The following DLG2 variants were observed in gnomAD, a reference collection of about 807,000 sequenced individuals.
The protein encoded by DLG2 is disks large homolog 2.
In DLG2, 45 loss-of-function variants were observed where a neutral mutation model predicts 132.5. The ratio of observed to expected loss-of-function variants is 0.34; its 90% CI spans 0.27 to 0.44. The LOEUF (loss-of-function observed/expected upper bound fraction) is 0.44, where lower values mean the gene tolerates loss of function less well. Ranked by LOEUF, DLG2 falls within the 20% of genes least tolerant of loss-of-function variation. DLG2 has a pLI of 1.00. For synonymous variants in DLG2, 424 were observed against 419.6 expected, an observed-to-expected ratio of 1.01 and a Z score of -0.13; for missense variants, 1,045 against 1,196.9, an observed-to-expected ratio of 0.87 and a Z score of 1.87.
chr11:85,446,379 T>C (rs1360681199), intron 3 of DLG2, among the ~76,000 whole-genome samples: 1 of 152,194 alleles, frequency 6.6e-6, no homozygotes, highest in Non-Finnish European at 1.5e-5. Context: ...TAAGAGAAAT[T>C]AGTTAGATTT....
rs550195047 is a variant in DLG2 at position 85,204,295 on chromosome 11, A to C, written c.187-49644T>G. On this transcript the variant is annotated intron_variant, in intron 4 of 27. Transcript: ENST00000376104. Reference sequence around the variant, plus strand: ...ATCTTCTTGTTAGAAAAACCTAAACACTTTAGCAGAAAACTGTTAGAACTA... The same window carrying C: ...ATCTTCTTGTTAGAAAAACCTAAACCCTTTAGCAGAAAACTGTTAGAACTA... Among the ~76,000 whole-genome samples, 14 of 152,252 alleles carry C rather than the reference A, an allele frequency of 9.2e-5. 1 individual carries two copies. In the South Asian group the frequency reaches 2.9e-3, roughly 32 times the overall value.
At chr11:84,787,368 C>T (rs2073090014) in intron 6 of DLG2, among the ~76,000 whole-genome samples, 1 of 152,150 alleles carries the variant, frequency 6.6e-6, no homozygotes, top group Non-Finnish European at 1.5e-5. Flanking sequence ...AATTACTTGT[C>T]CTGTGCCTCT....
intron 7 of DLG2, among the ~76,000 whole-genome samples, chr11:84,373,254 A>AAAAAAAC (rs1555532608): frequency 2.3e-5 from 2 of 87,862 alleles, no homozygotes; most frequent in East Asian, 3.0e-4. Context: ...ACAGTCAAAA[A>AAAAAAAC]AAAAAAAAAA....
At chr11:83,960,523 A>G (rs1230341357) in intron 14 of DLG2, among the ~76,000 whole-genome samples, 1 of 152,094 alleles carries the variant, frequency 6.6e-6, no homozygotes, top group African/African-American at 2.4e-5. Flanking sequence ...ATTACAAAAT[A>G]TATAATCTCA....
At chr11:83,983,471 T>A (rs750904183) in intron 11 of DLG2, among the ~76,000 whole-genome samples, 1 of 152,060 alleles carries the variant, frequency 6.6e-6, no homozygotes, top group African/African-American at 2.4e-5. Flanking sequence ...TATACTTTTA[T>A]TGAATAAATA....
rs1328852582 is a variant in DLG2, at chr11:83,682,458, T to G, written c.1826-49133A>C. On this transcript the variant is annotated intron_variant, in intron 18 of 27. Coordinates refer to ENST00000376104, the MANE Select transcript of DLG2 (RefSeq NM_001142699.3). ...TTAGAAGCAGTGACAGTAATTGGTG[T>G]TTGGGATGTACCACTATTAACCAAT... The G allele has an allele frequency of 4.1e-6, 4 of 984,880 alleles. No homozygotes were observed. The African/African-American group carries it at 7.0e-5, about 17-fold the overall frequency. The allele number at this position is 984,880 out of a possible 1,614,324, so 61.0% of individuals were successfully genotyped here. A position where few individuals can be genotyped will look rare whatever the true frequency, so the allele number is the denominator to read the frequency against.
chr11:84,188,619 T>G lies in DLG2; in HGVS notation c.574-25108A>C, dbSNP rs576597971. Among the ~76,000 whole-genome samples the G allele has an allele frequency of 4.6e-5, 7 of 152,172 alleles. 1 individual carries two copies. In the East Asian group the frequency reaches 1.4e-3, roughly 29 times the overall value. On this transcript the variant is annotated intron_variant, in intron 8 of 27. Coordinates refer to ENST00000376104, the MANE Select transcript of DLG2 (RefSeq NM_001142699.3). Reference sequence around the variant, plus strand: ...TCTTCCCACTGAGCTAATATTGGAGTGAAAAATAAAGACTTATTCCTTACA... The same window carrying G: ...TCTTCCCACTGAGCTAATATTGGAGGGAAAAATAAAGACTTATTCCTTACA...
intron 6 of DLG2, among the ~76,000 whole-genome samples, chr11:84,619,302 A>G (rs2099609909): frequency 6.6e-6 from 1 of 151,938 alleles, no homozygotes; most frequent in Admixed American, 6.6e-5. Context: ...TGGAATGTTA[A>G]TTTAAAATAC....
At chr11:85,394,377 C>T (rs577051071) in intron 3 of DLG2, among the ~76,000 whole-genome samples, 1 of 152,132 alleles carries the variant, frequency 6.6e-6, no homozygotes, top group South Asian at 2.1e-4. Context: ...TTTAACAAAC[C>T]AATGAGCATG....
intron 5 of DLG2, among the ~76,000 whole-genome samples, chr11:85,118,380 G>T (rs955249074): frequency 6.6e-6 from 1 of 152,044 alleles, no homozygotes; most frequent in African/African-American, 2.4e-5. Context: ...ATTTGCCCAG[G>T]TTAACAGAGG....
chr11:83,846,606 G>A (rs553075742), intron 16 of DLG2, among the ~76,000 whole-genome samples: 6 of 152,216 alleles, frequency 3.9e-5, no homozygotes, highest in African/African-American at 1.4e-4. Flanking sequence ...TGAGTTCTTT[G>A]TAAAACTCTT....
chr11:85,457,663 T>C (rs1375411613), intron 3 of DLG2, among the ~76,000 whole-genome samples: 1 of 152,224 alleles, frequency 6.6e-6, no homozygotes, highest in Non-Finnish European at 1.5e-5. Flanking sequence ...CATTTGCTTG[T>C]CTGAAAGGGA....
intron 14 of DLG2, among the ~76,000 whole-genome samples, chr11:83,932,567 G>A (rs1026441034): frequency 9.9e-5 from 15 of 152,066 alleles, no homozygotes; most frequent in African/African-American, 2.4e-4. Context: ...CTAGGATTCT[G>A]TCATATATTC....
chr11:85,245,766 C>A (rs1190253292), intron 4 of DLG2, among the ~76,000 whole-genome samples: 2 of 151,934 alleles, frequency 1.3e-5, no homozygotes, highest in Admixed American at 6.6e-5. Context: ...TCTGGCTTTA[C>A]CTGCTACACT....
At chr11:84,316,687 C>T (rs977016822) in intron 7 of DLG2, 7 of 940,108 alleles carry the variant, frequency 7.4e-6, no homozygotes, top group Non-Finnish European at 1.1e-5. Flanking sequence ...GTGAAAATGA[C>T]AGGTTTTTCT....
intron 6 of DLG2, among the ~76,000 whole-genome samples, chr11:85,100,665 C>T (rs1016444359): frequency 3.9e-5 from 6 of 152,132 alleles, no homozygotes; most frequent in Admixed American, 6.5e-5. Context: ...GCACATATTA[C>T]CAGGGATCTC....
At chr11:85,044,173 CAG>C (rs369995724) in intron 6 of DLG2, among the ~76,000 whole-genome samples, 26 of 152,050 alleles carry the variant, frequency 1.7e-4, no homozygotes, top group East Asian at 1.5e-3. Flanking sequence ...ACCTCTACTA[CAG>C]AGTTTCCTTT....
chr11:83,721,123 T>C (rs1370716078), intron 18 of DLG2: 2 of 152,178 alleles, frequency 1.3e-5, no homozygotes, highest in Admixed American at 6.5e-5. Context: ...CCAGCTATTT[T>C]GGACATCTTA....
chr11:84,577,364 G>C (rs2099503491), intron 6 of DLG2, among the ~76,000 whole-genome samples: 1 of 152,182 alleles, frequency 6.6e-6, no homozygotes, highest in South Asian at 2.1e-4. Flanking sequence ...GAAGAAGACA[G>C]GAAAATGTGG....
Sources: allele counts gnomAD v4.1 joint callset (sites outside exome capture counted in the v4.1 genomes callset), GRCh38; gene constraint gnomAD v4.1.1; transcripts MANE v1.5; gene names NCBI Gene and HGNC (gene_info 2026-07-23, HGNC 2026-07-21).